The following TTC23L variants were observed in gnomAD, a reference collection of about 807,000 sequenced individuals.
TTC23L encodes tetratricopeptide repeat domain 23 like.
Under a neutral mutation model 48.1 loss-of-function variants are expected in TTC23L, and 42 were observed. The observed-to-expected ratio is 0.87, with a 90% CI of 0.68 to 1.13. The LOEUF (loss-of-function observed/expected upper bound fraction) is 1.13. Among genes scored for constraint, TTC23L ranks in the 50% most tolerant of loss-of-function variants. The pLI is 0.00. For synonymous variants in TTC23L, 159 were observed against 157.2 expected, an observed-to-expected ratio of 1.01 and a Z score of -0.09; for missense variants, 391 against 421.0, an observed-to-expected ratio of 0.93 and a Z score of 0.62.
At chr5:34,860,355 T>C (rs186284397) in intron 4 of TTC23L, among the ~76,000 whole-genome samples, 281 of 152,350 alleles carry the variant, frequency 1.8e-3, no homozygotes, top group Admixed American at 4.7e-3. Flanking sequence ...AAAAACAAGA[T>C]GAGTCCTACT....
chr5:34,924,808 G>A, the TTC23L span: 21 of 1,493,578 alleles, frequency 1.4e-5, no homozygotes, highest in Non-Finnish European at 1.8e-5. Flanking sequence ...TGGGAATAAC[G>A]TAACCAAACC....
the TTC23L span, chr5:34,908,531 C>A: frequency 2.8e-6 from 1 of 361,848 alleles, no homozygotes; most frequent in South Asian, 7.6e-5. Context: ...AAAGACAGAA[C>A]TAAAGGACAG....
intron 4 of TTC23L, among the ~76,000 whole-genome samples, chr5:34,852,448 G>A (rs776277368): frequency 6.7e-6 from 1 of 149,572 alleles, no homozygotes; most frequent in Admixed American, 6.7e-5. Context: ...TTGAAGTGAG[G>A]TGGTAATAAT....
intron 4 of TTC23L, among the ~76,000 whole-genome samples, chr5:34,859,810 CT>C (rs1032103351): frequency 1.4e-5 from 2 of 140,718 alleles, no homozygotes; most frequent in Non-Finnish European, 3.1e-5. Flanking sequence ...ATACGTTTTT[CT>C]TTTTTTTCTT....
chr5:34,847,176 A>C (rs1158538205), intron 3 of TTC23L, among the ~76,000 whole-genome samples: 1 of 152,186 alleles, frequency 6.6e-6, no homozygotes, highest in Non-Finnish European at 1.5e-5. Flanking sequence ...ATCTCTCTAG[A>C]TGGATATTTG....
chr5:34,911,808 A>C, the TTC23L span: 1 of 1,614,086 alleles, frequency 6.2e-7, no homozygotes, highest in Non-Finnish European at 8.5e-7. Context: ...GTGCAGTTAA[A>C]GTCCCTGCAA....
chr5:34,900,793 C>A (rs1344314410), downstream of TTC23L, among the ~76,000 whole-genome samples: 1 of 152,174 alleles, frequency 6.6e-6, no homozygotes, highest in East Asian at 1.9e-4. Context: ...TTAAGAATCT[C>A]GAGAGAGTAC....
intron 7 of TTC23L, chr5:34,868,657 A>G: frequency 2.9e-6 from 1 of 350,800 alleles, no homozygotes; most frequent in East Asian, 5.0e-5. Flanking sequence ...ATACTAGCCA[A>G]CATTTATTGA....
chr5:34,845,610 T>G, exon 3 of TTC23L: 2 of 1,613,918 alleles, frequency 1.2e-6, no homozygotes, highest in South Asian at 2.2e-5. Flanking sequence ...ACTGTATGTC[T>G]CATCCCAAAG....
At chr5:34,911,109 G>T in the TTC23L span, among the ~76,000 whole-genome samples, 2 of 152,184 alleles carry the variant, frequency 1.3e-5, no homozygotes, top group Non-Finnish European at 2.9e-5. Context: ...TTAATAAGAT[G>T]AATAAGCACA....
At chr5:34,918,661 G>C in the TTC23L span, 3 of 478,810 alleles carry the variant, frequency 6.3e-6, no homozygotes, top group Non-Finnish European at 1.1e-5. Flanking sequence ...GATTTCATTA[G>C]GTAGATTCTT....
the TTC23L span, chr5:34,922,247 A>T: frequency 6.3e-7 from 1 of 1,592,018 alleles, no homozygotes; most frequent in Admixed American, 1.7e-5. Flanking sequence ...TAATAAATGC[A>T]TCTATTTTGA....
At chr5:34,920,821 C>G in the TTC23L span, 1 of 151,334 alleles carries the variant, frequency 6.6e-6, no homozygotes, top group Non-Finnish European at 1.5e-5. Flanking sequence ...CAGTAAGAAA[C>G]AAAAGTTTTG....
chr5:34,840,242 G>GT (rs949747515), intron 1 of TTC23L, among the ~76,000 whole-genome samples: 4 of 143,082 alleles, frequency 2.8e-5, no homozygotes, highest in South Asian at 4.7e-4. Context: ...GACCCCGGGG[G>GT]GGGGGGGGAA....
At chr5:34,905,151 G>A in the TTC23L span, 1 of 152,180 alleles carries the variant, frequency 6.6e-6, no homozygotes, top group African/African-American at 2.4e-5. Context: ...GACTCCTCCT[G>A]GGGTGCTTGT....
the TTC23L span, chr5:34,920,628 G>A: frequency 1.3e-5 from 2 of 152,158 alleles, no homozygotes; most frequent in African/African-American, 4.8e-5. Flanking sequence ...AAATAAAGCA[G>A]GTTATAGGTT....
At chr5:34,919,893 GA>G in the TTC23L span, 2 of 1,061,430 alleles carry the variant, frequency 1.9e-6, no homozygotes, top group Non-Finnish European at 2.8e-6. Flanking sequence ...GGTAATTTTG[GA>G]AAGTAATTGC....
chr5:34,903,381 T>C (rs1192802455), downstream of TTC23L, among the ~76,000 whole-genome samples: 2 of 152,152 alleles, frequency 1.3e-5, no homozygotes, highest in African/African-American at 4.8e-5. Context: ...AGATTTCCCA[T>C]TTACCCCCTA....
the TTC23L span, chr5:34,916,096 C>T: frequency 5.4e-6 from 3 of 558,696 alleles, no homozygotes; most frequent in South Asian, 1.1e-4. Context: ...TTCCTGGAGG[C>T]GGCGGGTTTT....
Sources: allele counts gnomAD v4.1 joint callset (sites outside exome capture counted in the v4.1 genomes callset), GRCh38; gene constraint gnomAD v4.1.1; transcripts MANE v1.5; gene names NCBI Gene and HGNC (gene_info 2026-07-23, HGNC 2026-07-21).